KYAT3: variants seen among roughly 807,000 people sequenced by gnomAD.
KYAT3 encodes the protein kynurenine aminotransferase 3.
Under a neutral mutation model 59.0 loss-of-function variants are expected in KYAT3, and 50 were observed. The ratio of observed to expected loss-of-function variants is 0.85; its 90% confidence interval spans 0.68 to 1.07. The LOEUF is 1.07. Among genes scored for constraint, KYAT3 ranks in the 50% least tolerant of loss-of-function variants. The probability of loss-of-function intolerance (pLI) is 0.00; values close to 1 mark genes in which losing one functional copy is unlikely to be tolerated. For synonymous variants in KYAT3, 148 were observed against 177.0 expected, an observed-to-expected ratio of 0.84 and a Z score of 1.30; for missense variants, 497 against 533.3, an observed-to-expected ratio of 0.93 and a Z score of 0.67.
intron 4 of KYAT3, among the ~76,000 whole-genome samples, chr1:88,967,588 G>A (rs1676394013): frequency 6.6e-6 from 1 of 152,010 alleles, no homozygotes; most frequent in African/African-American, 2.4e-5. Flanking sequence ...CATAGGGCTA[G>A]TTGCATTTTT....
At position 88,949,562 on chromosome 1, in the gene KYAT3, A is replaced by T. The variant is rs368871291; in HGVS notation, c.955-285T>A. Among the ~76,000 whole-genome samples the T allele has an allele frequency of 4.6e-5, 7 of 152,358 alleles. No individual in the cohort carries two copies. In the East Asian group the frequency reaches 1.3e-3, roughly 29 times the overall value. On this transcript the variant is annotated intron_variant, in intron 10 of 13. Transcript: ENST00000260508. ...AAAGGTGGCTTGCTTGGAAACAAAA[A>T]GACATTAAGATATTTTCTGCTGAGG...
intron 5 of KYAT3, among the ~76,000 whole-genome samples, chr1:88,963,415 T>G (rs1312670267): frequency 6.6e-6 from 1 of 152,212 alleles, no homozygotes; most frequent in African/African-American, 2.4e-5. Flanking sequence ...TTGTCTGGCA[T>G]AGTGAAGGGA....
At chr1:88,950,340 TACTAC>T (rs1293540230) in intron 10 of KYAT3, among the ~76,000 whole-genome samples, 1 of 152,146 alleles carries the variant, frequency 6.6e-6, no homozygotes, top group East Asian at 1.9e-4. Context: ...AAATCTCCAG[TACTAC>T]AAAATCTTGG....
At chr1:88,922,323 T>G in the KYAT3 span, among the ~76,000 whole-genome samples, 1 of 152,150 alleles carries the variant, frequency 6.6e-6, no homozygotes, top group Non-Finnish European at 1.5e-5. Flanking sequence ...TAGGCCCTGA[T>G]GAGGAAAGAG....
intron 8 of KYAT3, among the ~76,000 whole-genome samples, chr1:88,958,822 T>C (rs1453371209): frequency 1.3e-5 from 2 of 151,978 alleles, no homozygotes; most frequent in African/African-American, 4.9e-5. Flanking sequence ...CACCATTTCA[T>C]GATGTAGAAC....
intron 2 of KYAT3, among the ~76,000 whole-genome samples, chr1:88,984,524 G>C (rs1243595923): frequency 6.6e-6 from 1 of 152,120 alleles, no homozygotes; most frequent in African/African-American, 2.4e-5. Context: ...CTGGAACTTT[G>C]AAACAACATA....
intron 9 of KYAT3, among the ~76,000 whole-genome samples, chr1:88,953,366 G>T (rs1054262644): frequency 6.6e-6 from 1 of 151,878 alleles, no homozygotes; most frequent in Non-Finnish European, 1.5e-5. Context: ...TCAACATGGT[G>T]AAATGCTGTC....
downstream of KYAT3, among the ~76,000 whole-genome samples, chr1:88,931,751 CT>C (rs71890660): frequency 0.2 from 29,709 of 151,570 alleles, 3,863 homozygotes; most frequent in African/African-American, 0.38. Context: ...AGCCAATCAT[CT>C]TATCACCTGA....
At position 88,949,114 on chromosome 1, in the gene KYAT3, A is replaced by G; in HGVS notation, c.1118T>C (p.Ile373Thr). 1 of 1,596,536 alleles carries G rather than the reference A, an allele frequency of 6.3e-7. No individual in the cohort carries two copies. Among genetic ancestry groups the G allele is most frequent in the Non-Finnish European group, 8.5e-7 (1 of 1,174,686 alleles). The stretch of plus-strand genomic sequence containing the variant: ...ACCTAGCAAAGACACATCAGCGATG[A>G]TGAAGTATCCTCCATCAGGAACTAT... ...KPIVPDGGYF[I>T]IADVSLLDPD... Residue 373 changes from isoleucine (I) to threonine (T), a missense_variant, in exon 11 of 14, where the codon ATC becomes ACC. This residue lies in a region of KYAT3 where 469 missense variants were observed against 479.1 expected (regional missense o/e 0.98). Transcript: ENST00000260508.
At position 88,968,665 on chromosome 1, in the gene KYAT3, C is replaced by T. The variant is rs1676435621; in HGVS notation, c.303+5G>A. ...TCATGGCCCATATGGTCTTGATATA[C>T]TTACAAAGCCTCGTGTATACTGATT... is the stretch of plus-strand genomic sequence containing the variant. On this transcript the variant is annotated splice_donor_5th_base_variant and intron_variant, in intron 4 of 13. Transcript: ENST00000260508. The T allele has an allele frequency of 6.4e-7, 1 of 1,554,600 alleles. No homozygotes were observed.
intron 2 of KYAT3, chr1:88,983,454 G>C: frequency 6.2e-7 from 1 of 1,614,000 alleles, no homozygotes; most frequent in Non-Finnish European, 8.5e-7. Flanking sequence ...TGTCCTCCTC[G>C]TGAAGGAGGT....
chr1:88,949,168 C>T lies in KYAT3; in HGVS notation c.1064G>A (p.Arg355His), dbSNP rs774281258. ...ELEVKRDRMV[R>H]LLESVGLKPI... is the part of the protein sequence containing the mutation. ...TTTTAGGCCAACACTTTCAAGTAAA[C>T]GTACCATCCGATCTCTTTTTACTTC... is the stretch of plus-strand genomic sequence containing the variant. The change falls in exon 11 of 14, where the codon CGT becomes CAT. Residue 355 changes from arginine (R) to histidine (H), a missense_variant. Arg to His is a conservative substitution (Grantham distance 29). Coordinates refer to ENST00000260508, the MANE Select transcript of KYAT3 (RefSeq NM_001008661.3). The T allele has an allele frequency of 1.1e-5, 17 of 1,610,778 alleles. No individual in the cohort carries two copies. Among genetic ancestry groups the T allele is most frequent in the East Asian group, 2.2e-5 (1 of 44,612 alleles).
intron 13 of KYAT3, among the ~76,000 whole-genome samples, chr1:88,940,110 C>A (rs1265191122): frequency 6.6e-6 from 1 of 152,082 alleles, no homozygotes; most frequent in East Asian, 1.9e-4. Context: ...GACTCCATCA[C>A]CCAGGCTGGA....
chr1:88,992,501 C>G (rs904267874), intron 1 of KYAT3, 84 bp downstream of exon 1: 3 of 152,854 alleles, frequency 2.0e-5, no homozygotes, highest in African/African-American at 7.2e-5. Context: ...AGCCCGACCT[C>G]CGTTCCCTCG....
intron 10 of KYAT3, 68 bp downstream of exon 10, chr1:88,952,995 T>G: frequency 2.1e-6 from 2 of 941,356 alleles, no homozygotes; most frequent in South Asian, 2.7e-5. Flanking sequence ...TCAATTCAAA[T>G]ATGCAATATA....
chr1:88,986,514 ACTCCTGGT>A (rs1557709454), intron 2 of KYAT3, among the ~76,000 whole-genome samples: 1 of 125,898 alleles, frequency 7.9e-6, no homozygotes, highest in Non-Finnish European at 1.6e-5. Context: ...CTGGTCTTGA[ACTCCTGGT>A]CTCAAGCGAT....
At chr1:88,964,398 A>G (rs1272414974) in intron 5 of KYAT3, among the ~76,000 whole-genome samples, 1 of 152,264 alleles carries the variant, frequency 6.6e-6, no homozygotes, top group Admixed American at 6.5e-5. Context: ...CTATAAAAAT[A>G]AGAATAAATT....
downstream of KYAT3, among the ~76,000 whole-genome samples, chr1:88,932,406 A>G (rs1674927603): frequency 2.0e-5 from 3 of 152,174 alleles, no homozygotes; most frequent in South Asian, 2.1e-4. Flanking sequence ...TTGGTAGACT[A>G]TTGATAGATT....
intron 5 of KYAT3, 92 bp from the exon 6 acceptor site, chr1:88,962,237 G>C: frequency 2.1e-6 from 2 of 966,224 alleles, no homozygotes; most frequent in Non-Finnish European, 3.3e-6. Context: ...ACTGTACTAT[G>C]TGTTGGGATA....
Sources: allele counts gnomAD v4.1 joint callset (sites outside exome capture counted in the v4.1 genomes callset), GRCh38; gene constraint gnomAD v4.1.1; regional missense constraint gnomAD v4.1.1; transcripts MANE v1.5; gene names NCBI Gene and HGNC (gene_info 2026-07-23, HGNC 2026-07-21).